Variants in GCNT1 observed in about 807,000 individuals in gnomAD.
GCNT1 encodes glucosaminyl (N-acetyl) transferase 1, also known as beta-1,3-galactosyl-O-glycosyl-glycoprotein beta-1,6-N-acetylglucosaminyltransferase.
Under a neutral mutation model 26.2 loss-of-function variants are expected in GCNT1, and 16 were observed. That is an observed-to-expected ratio of 0.61 (90% CI 0.41 to 0.93). The LOEUF is 0.93. GCNT1 is among the 40% of genes least tolerant of loss of function. GCNT1 has a pLI of 0.00. For synonymous variants in GCNT1, 183 were observed against 190.8 expected (o/e 0.96, Z 0.34); for missense variants, 477 against 526.7 (o/e 0.91, Z 0.92).
intron 2 of GCNT1, among the ~76,000 whole-genome samples, chr9:76,461,850 C>G (rs113325371): frequency 2.0e-5 from 3 of 152,348 alleles, no homozygotes; most frequent in African/African-American, 7.2e-5. Context: ...GATCGTGCCA[C>G]TGCACTCAAG....
upstream of GCNT1, among the ~76,000 whole-genome samples, chr9:76,440,657 G>C (rs1282160407): frequency 6.6e-6 from 1 of 152,192 alleles, no homozygotes; most frequent in Non-Finnish European, 1.5e-5. Flanking sequence ...GGATGACTTG[G>C]GGACTGGGTC....
intron 2 of GCNT1, among the ~76,000 whole-genome samples, chr9:76,500,606 T>A (rs1825038350): frequency 6.6e-6 from 1 of 152,164 alleles, no homozygotes; most frequent in East Asian, 1.9e-4. Flanking sequence ...AAGGATATGT[T>A]GGATTTTCTA....
chr9:76,409,590 C>T, the GCNT1 span, among the ~76,000 whole-genome samples: 2 of 151,798 alleles, frequency 1.3e-5, no homozygotes, highest in Admixed American at 1.3e-4. Flanking sequence ...GGATTACAGG[C>T]GGGTGCCACC....
At chr9:76,455,722 C>T (rs1823748126), upstream of GCNT1, among the ~76,000 whole-genome samples, 1 of 152,238 alleles carries the variant, frequency 6.6e-6, no homozygotes, top group East Asian at 1.9e-4. Context: ...GTGCCTCAGC[C>T]TCCCCAGTAG....
the GCNT1 span, among the ~76,000 whole-genome samples, chr9:76,405,992 A>G: frequency 6.6e-6 from 1 of 152,166 alleles, no homozygotes. Context: ...TGACTATACC[A>G]TTTTGCATTC....
At position 76,502,334 on chromosome 9, in the gene GCNT1, G is replaced by A. The variant is rs1825097337; in HGVS notation, c.-48G>A. The A allele has an allele frequency of 7.6e-7, 1 of 1,321,690 alleles. No homozygotes were observed. Among genetic ancestry groups the A allele is most frequent in the Non-Finnish European group, 1.1e-6 (1 of 930,844 alleles). The allele number at this position is 1,321,690 out of a possible 1,614,324, so 81.9% of individuals were successfully genotyped here. A position where few individuals can be genotyped will look rare whatever the true frequency, so the allele number is the denominator to read the frequency against. On this transcript the variant is annotated 5_prime_UTR_variant, in exon 4 of 4. Coordinates refer to ENST00000376730, the MANE Select transcript of GCNT1 (RefSeq NM_001490.5). ...GGAGGGAAAATCATTGGTGCTTGGA[G>A]CATAGAAGACTGCCCTTCACAAAGG...
intron 2 of GCNT1, among the ~76,000 whole-genome samples, chr9:76,488,786 A>C (rs785919): frequency 0.17 from 26,494 of 152,174 alleles, 2,737 homozygotes; most frequent in African/African-American, 0.28. Context: ...GCCCAGCCTA[A>C]GCCAGCGCAC....
At chr9:76,483,623 A>G (rs1488343485) in intron 2 of GCNT1, among the ~76,000 whole-genome samples, 2 of 151,994 alleles carry the variant, frequency 1.3e-5, no homozygotes, top group East Asian at 1.9e-4. Flanking sequence ...GTATCTCACC[A>G]TTTTACTTAG....
intron 2 of GCNT1, among the ~76,000 whole-genome samples, chr9:76,483,068 A>ATG (rs565379483): frequency 2.0e-5 from 3 of 152,190 alleles, no homozygotes; most frequent in Non-Finnish European, 2.9e-5. Context: ...TTGTATTACA[A>ATG]TGTAATAATA....
intron 2 of GCNT1, among the ~76,000 whole-genome samples, chr9:76,482,176 C>T (rs1824439947): frequency 6.6e-6 from 1 of 152,082 alleles, no homozygotes; most frequent in Non-Finnish European, 1.5e-5. Flanking sequence ...TGCAAGCCAC[C>T]CATGGCGAAT....
In GCNT1 at chr9:76,428,082, C is replaced by T. The variant is rs553086673; in HGVS notation, n.38+8195C>T. 2.6e-5 allele frequency among the ~76,000 whole-genome samples: 4 copies of T among 151,772 alleles called. No individual in the cohort carries two copies. In the East Asian group the frequency reaches 5.8e-4, roughly 22 times the overall value. Reference sequence around the variant, plus strand: ...GAGATCGAGACCATCCTGGCTAATACGGTGAAACCCCATCTCTACTAAAAA... The same window carrying T: ...GAGATCGAGACCATCCTGGCTAATATGGTGAAACCCCATCTCTACTAAAAA... On this transcript the variant is annotated intron_variant and non_coding_transcript_variant, in intron 1 of 3. Transcript: ENST00000488136.
At chr9:76,461,696 T>C (rs1823873589) in intron 2 of GCNT1, among the ~76,000 whole-genome samples, 1 of 151,992 alleles carries the variant, frequency 6.6e-6, no homozygotes, top group African/African-American at 2.4e-5. Context: ...AAGACCAGCC[T>C]GACCAACATG....
upstream of GCNT1, among the ~76,000 whole-genome samples, chr9:76,414,867 G>T (rs1823119199): frequency 6.6e-6 from 1 of 152,114 alleles, no homozygotes; most frequent in Admixed American, 6.5e-5. Context: ...TCTGACGTGT[G>T]ATACCAGTCC....
chr9:76,461,220 G>A lies in GCNT1; in HGVS notation c.-290+1043G>A, dbSNP rs867184255. Among the ~76,000 whole-genome samples the A allele has an allele frequency of 4.7e-5, 6 of 128,720 alleles. No homozygotes were observed. The South Asian group carries it at 1.4e-3, about 31-fold the overall frequency. 84.4% of individuals were successfully genotyped at this position (128,720 alleles called of 152,430 possible). ...TTTTTTTTTTTTTTTTTTTTTCCAC[G>A]AATAGCTGAGAACTTTTACTTAAAA... On this transcript the variant is annotated intron_variant, in intron 2 of 3. Transcript: ENST00000376730.
intron 1 of GCNT1, among the ~76,000 whole-genome samples, chr9:76,429,202 G>T (rs1007700342): frequency 2.0e-5 from 3 of 151,934 alleles, no homozygotes; most frequent in African/African-American, 7.3e-5. Context: ...TTCTTCTTTT[G>T]ATCAGTCACT....
intron 1 of GCNT1, among the ~76,000 whole-genome samples, chr9:76,422,355 C>G (rs1823207084): frequency 6.6e-6 from 1 of 152,132 alleles, no homozygotes; most frequent in South Asian, 2.1e-4. Flanking sequence ...AGGTGTGAAC[C>G]ACGGCACTCA....
chr9:76,402,229 T>G, the GCNT1 span, among the ~76,000 whole-genome samples: 1 of 152,186 alleles, frequency 6.6e-6, no homozygotes, highest in African/African-American at 2.4e-5. Flanking sequence ...GCTTAAAAAT[T>G]TTTTTGTCAA....
chr9:76,422,895 T>A (rs964109067), intron 1 of GCNT1, among the ~76,000 whole-genome samples: 1 of 152,194 alleles, frequency 6.6e-6, no homozygotes, highest in Admixed American at 6.5e-5. Context: ...TTCAATAAAT[T>A]ACATGAGATA....
chr9:76,418,838 C>A (rs1823154154), upstream of GCNT1, among the ~76,000 whole-genome samples: 1 of 152,152 alleles, frequency 6.6e-6, no homozygotes, highest in Non-Finnish European at 1.5e-5. Flanking sequence ...TGAAAAAATT[C>A]ATCCAGGTGT....
Sources: allele counts gnomAD v4.1 joint callset (sites outside exome capture counted in the v4.1 genomes callset), GRCh38; gene constraint gnomAD v4.1.1; transcripts MANE v1.5; gene names NCBI Gene and HGNC (gene_info 2026-07-23, HGNC 2026-07-21).